The following CCDC102B variants were observed in gnomAD, a reference collection of about 807,000 sequenced individuals.
CCDC102B encodes the protein coiled-coil domain-containing protein 102B.
A neutral mutation model predicts 57.4 loss-of-function variants in CCDC102B; 75 were observed. That is an observed-to-expected ratio of 1.31 (90% CI 1.08 to 1.58). The LOEUF is 1.58. Ranked by LOEUF, CCDC102B falls within the 40% of genes most tolerant of loss-of-function variation. The pLI, the probability that CCDC102B is intolerant of heterozygous loss-of-function variation, is 0.00. For synonymous variants in CCDC102B, 206 were observed against 201.9 expected (o/e 1.02, Z -0.17); for missense variants, 636 against 582.6 (o/e 1.09, Z -0.94).
At chr18:68,989,423 G>A (rs2050806288) in intron 6 of CCDC102B, among the ~76,000 whole-genome samples, 1 of 152,206 alleles carries the variant, frequency 6.6e-6, no homozygotes, top group Admixed American at 6.5e-5. Context: ...TTGCAAATGG[G>A]AAGAGAAGCT....
intron 6 of CCDC102B, among the ~76,000 whole-genome samples, chr18:69,010,669 A>G (rs2051490106): frequency 6.6e-6 from 1 of 152,176 alleles, no homozygotes. Context: ...GGAAGGTTAC[A>G]TAAAAACTAC....
intron 7 of CCDC102B, among the ~76,000 whole-genome samples, chr18:69,015,481 G>T (rs1056040730): frequency 2.0e-5 from 3 of 152,080 alleles, no homozygotes; most frequent in Non-Finnish European, 4.4e-5. Context: ...CTCCTTGAAA[G>T]GAAAATTATG....
At chr18:68,715,928 G>A (rs891822913) in intron 1 of CCDC102B, among the ~76,000 whole-genome samples, 2 of 152,068 alleles carry the variant, frequency 1.3e-5, no homozygotes, top group African/African-American at 4.8e-5. Context: ...ATGTCAGCCG[G>A]TTCACCTTAG....
chr18:68,799,651 A>G (rs2035773448), intron 1 of CCDC102B, among the ~76,000 whole-genome samples: 2 of 152,188 alleles, frequency 1.3e-5, no homozygotes, highest in Non-Finnish European at 2.9e-5. Context: ...CAGAGGCTTT[A>G]AAGAAAAGTT....
At chr18:68,765,373 G>GAAAGAAAGAAAGA (rs2034427254) in intron 2 of CCDC102B, among the ~76,000 whole-genome samples, 3 of 119,790 alleles carry the variant, frequency 2.5e-5, no homozygotes, top group South Asian at 2.6e-4. Flanking sequence ...AAGAAAGAAA[G>GAAAGAAAGAAAGA]AAAGAAAAGA....
chr18:68,792,616 A>T (rs2035498069), intron 2 of CCDC102B, among the ~76,000 whole-genome samples: 1 of 152,112 alleles, frequency 6.6e-6, no homozygotes, highest in East Asian at 1.9e-4. Context: ...ACTTATATCC[A>T]TTATTTCTTA....
Position 68,897,455 on chromosome 18 carries a change from T to C in CCDC102B, c.1263+27T>C, listed in dbSNP as rs754961920. 11 of 1,602,984 alleles carry C rather than the reference T, an allele frequency of 6.9e-6. No homozygotes were observed. In the South Asian group the frequency reaches 1.2e-4, roughly 18 times the overall value. ...TATGGGTGCTCCTTGGAGCAAATTC[T>C]CACTGTCTAATCTCACTCTGATGCC... On this transcript the variant is annotated intron_variant, in intron 6 of 7. Coordinates refer to ENST00000360242, the MANE Select transcript of CCDC102B (RefSeq NM_024781.3).
chr18:68,847,256 C>T (rs2037911022), intron 4 of CCDC102B, among the ~76,000 whole-genome samples: 1 of 151,616 alleles, frequency 6.6e-6, no homozygotes, highest in Admixed American at 6.6e-5. Context: ...ACAGGAACCT[C>T]TCTGGGTATG....
At chr18:68,819,664 T>A (rs1231298229) in intron 1 of CCDC102B, among the ~76,000 whole-genome samples, 1 of 152,070 alleles carries the variant, frequency 6.6e-6, no homozygotes, top group African/African-American at 2.4e-5. Flanking sequence ...GATTTATGCA[T>A]AAATGTCATC....
intron 1 of CCDC102B, among the ~76,000 whole-genome samples, chr18:68,819,425 T>C (rs1334628024): frequency 6.6e-6 from 1 of 152,066 alleles, no homozygotes; most frequent in Non-Finnish European, 1.5e-5. Context: ...TAATTCTCTT[T>C]CATTTGTCTA....
intron 6 of CCDC102B, among the ~76,000 whole-genome samples, chr18:68,933,490 A>G (rs2145146911): frequency 6.6e-6 from 1 of 152,026 alleles, no homozygotes. Flanking sequence ...TAATCTGGTA[A>G]CATTTGACTT....
At chr18:68,966,598 C>A (rs1363776906) in intron 6 of CCDC102B, among the ~76,000 whole-genome samples, 1 of 152,048 alleles carries the variant, frequency 6.6e-6, no homozygotes, top group African/African-American at 2.4e-5. Flanking sequence ...TTTGGATCAA[C>A]CTTTTGCACA....
At chr18:69,021,179 T>G (rs976537443) in intron 7 of CCDC102B, among the ~76,000 whole-genome samples, 1 of 152,340 alleles carries the variant, frequency 6.6e-6, no homozygotes, top group East Asian at 1.9e-4. Flanking sequence ...TTATCTAAGT[T>G]AATATCCGGT....
intron 1 of CCDC102B, among the ~76,000 whole-genome samples, chr18:68,818,505 G>C (rs1599509121): frequency 6.6e-6 from 1 of 152,250 alleles, no homozygotes; most frequent in Middle Eastern, 3.4e-3. Context: ...AATATTGTTG[G>C]CATTCTAGAA....
chr18:69,012,955 T>A (rs893051927), intron 7 of CCDC102B, among the ~76,000 whole-genome samples: 39 of 152,106 alleles, frequency 2.6e-4, no homozygotes, highest in African/African-American at 8.7e-4. Context: ...ATGAAAACAA[T>A]ATGCAGATTT....
intron 2 of CCDC102B, among the ~76,000 whole-genome samples, chr18:68,716,983 CAGG>C (rs2032047629): frequency 6.6e-6 from 1 of 150,702 alleles, no homozygotes; most frequent in Non-Finnish European, 1.5e-5. Flanking sequence ...GAGGCTGAGG[CAGG>C]AGAATGCATG....
chr18:68,935,913 G>C (rs191234997), intron 6 of CCDC102B, among the ~76,000 whole-genome samples: 2 of 152,008 alleles, frequency 1.3e-5, no homozygotes, highest in East Asian at 3.9e-4. Flanking sequence ...TCCTCCTCAT[G>C]TTCATGCCCC....
At chr18:68,733,508 T>TATATATATATATATATATACAGATATATA (rs1568222920) in intron 2 of CCDC102B, among the ~76,000 whole-genome samples, 1 of 90,530 alleles carries the variant, frequency 1.1e-5, no homozygotes, top group Non-Finnish European at 2.0e-5. Context: ...ATATATATAT[T>TATATATATATATATATATACAGATATATA]TTTTTAACTT....
At chr18:68,997,843 T>TAAA (rs1218129086) in intron 6 of CCDC102B, among the ~76,000 whole-genome samples, 1 of 33,946 alleles carries the variant, frequency 2.9e-5, no homozygotes, top group Admixed American at 3.6e-4. Flanking sequence ...CATTTATCAT[T>TAAA]TAATAATATG....
Sources: allele counts gnomAD v4.1 joint callset (sites outside exome capture counted in the v4.1 genomes callset), GRCh38; gene constraint gnomAD v4.1.1; transcripts MANE v1.5; gene names NCBI Gene and HGNC (gene_info 2026-07-23, HGNC 2026-07-21).